Variants in C14orf180 observed in about 807,000 individuals in gnomAD.
C14orf180 encodes chromosome 14 open reading frame 180.
A neutral mutation model predicts 13.9 loss-of-function variants in C14orf180; 13 were observed. The ratio of observed to expected loss-of-function variants is 0.94; its 90% CI spans 0.61 to 1.49. C14orf180 has a LOEUF of 1.49. Ranked by LOEUF, C14orf180 falls within the 40% of genes most tolerant of loss-of-function variation. The probability of loss-of-function intolerance (pLI) is 0.00; values close to 1 mark genes in which losing one functional copy is unlikely to be tolerated. For missense variants in C14orf180, 238 were observed against 232.0 expected (o/e 1.03, Z -0.17); for synonymous variants, 113 against 106.3 (o/e 1.06, Z -0.39).
chr14:104,589,050 A>G lies in C14orf180; in HGVS notation c.*267A>G. The G allele has an allele frequency of 1.5e-6, 1 of 664,460 alleles. No individual in the cohort carries two copies. The highest frequency in any genetic ancestry group is 3.1e-5 in the East Asian group (1 of 32,044). The allele number at this position is 664,460 out of a possible 1,614,324, so 41.2% of individuals were successfully genotyped here. The stretch of plus-strand genomic sequence containing the variant: ...GAGATTTTATTAGAAAGAGGATTCG[A>G]CTGCTAACAGTTGAGGCTCCCCAGG... On this transcript the variant is annotated 3_prime_UTR_variant, in exon 5 of 5. Coordinates refer to ENST00000557649, the MANE Select transcript of C14orf180 (RefSeq NM_001008404.3). The surrounding 1 kb of genome is among the most constrained non-coding windows in gnomAD (Gnocchi z 4.9).
chr14:104,588,235 G>T (rs751164090), intron 3 of C14orf180, 39 bp from the exon 4 acceptor site: 3 of 1,613,402 alleles, frequency 1.9e-6, no homozygotes, highest in Non-Finnish European at 2.5e-6. Context: ...GATGGACTGA[G>T]GCAGGTGCCC....
chr14:104,586,134 C>T (rs912144035), intron 1 of C14orf180, among the ~76,000 whole-genome samples: 1 of 152,198 alleles, frequency 6.6e-6, no homozygotes, highest in Non-Finnish European at 1.5e-5. Flanking sequence ...GACGGGACCT[C>T]GGCCCAGTGG....
rs770865389 is a variant in C14orf180 at position 104,587,810 on chromosome 14, C to T, written c.173C>T (p.Pro58Leu). The T allele has an allele frequency of 2.7e-5, 44 of 1,612,456 alleles. No homozygotes were observed. Among genetic ancestry groups the T allele is most frequent in the Non-Finnish European group, 3.6e-5 (43 of 1,179,620 alleles). ...CGGAGCCGGCCGGAGCACCACCGCC[C>T]AGAGGCCAAGCCCCAGAGGACCTCG... is the stretch of plus-strand genomic sequence containing the variant. ...LKRSRPEHHR[P>L]EAKPQRTSRR... is the part of the protein sequence containing the mutation. The change falls in exon 3 of 5, where the codon CCA (proline) becomes CTA (leucine). Residue 58 changes from proline (P) to leucine (L), a missense_variant. Coordinates refer to ENST00000557649, the MANE Select transcript of C14orf180 (RefSeq NM_001008404.3).
intron 4 of C14orf180, 28 bp downstream of exon 4, chr14:104,588,337 C>T (rs771022547): frequency 3.4e-5 from 54 of 1,609,558 alleles, no homozygotes; most frequent in Admixed American, 2.3e-4. Context: ...ATCCCTGTGC[C>T]CCACTGCCCC....
chr14:104,582,582 C>A (rs1052588554), intron 1 of C14orf180, among the ~76,000 whole-genome samples: 2 of 152,206 alleles, frequency 1.3e-5, no homozygotes. Context: ...CGCCTCTGTC[C>A]CAACCCAGGC....
At chr14:104,586,349 CTTA>C in intron 1 of C14orf180, 63 bp from the exon 2 acceptor site, 1 of 1,117,596 alleles carries the variant, frequency 8.9e-7, no homozygotes, top group Non-Finnish European at 1.2e-6. Flanking sequence ...TTCTCCTCCT[CTTA>C]TTTTCATTCC....
chr14:104,586,292 G>C, intron 1 of C14orf180, 123 bp from the exon 2 acceptor site: 2 of 575,914 alleles, frequency 3.5e-6, no homozygotes, highest in Non-Finnish European at 6.0e-6. Context: ...TCAACAGCGT[G>C]GCCGGTCGCA....
intron 3 of C14orf180, 50 bp downstream of exon 3, chr14:104,587,928 A>C: frequency 6.4e-7 from 1 of 1,561,484 alleles, no homozygotes. Context: ...AGTCAAGCAG[A>C]GGGAGGCGGG....
At chr14:104,583,446 G>A (rs1475303354) in intron 1 of C14orf180, among the ~76,000 whole-genome samples, 1 of 152,212 alleles carries the variant, frequency 6.6e-6, no homozygotes, top group Non-Finnish European at 1.5e-5. Flanking sequence ...ACTCGGGTCT[G>A]TGCACTGACT....
intron 1 of C14orf180, among the ~76,000 whole-genome samples, chr14:104,580,439 T>A (rs1393260433): frequency 2.0e-5 from 3 of 152,152 alleles, no homozygotes; most frequent in Non-Finnish European, 4.4e-5. Context: ...AAAGGGCACC[T>A]GATGTTGCGC....
At chr14:104,588,549 C>T (rs1311412384) in intron 4 of C14orf180, 29 bp from the exon 5 acceptor site, 10 of 1,442,388 alleles carry the variant, frequency 6.9e-6, no homozygotes, top group African/African-American at 4.3e-5. Context: ...CGCTGGCTGG[C>T]GCTGACCCTG....
rs1232740755 is a variant in C14orf180 at position 104,587,890 on chromosome 14, C to G, written c.241+12C>G. The G allele has an allele frequency of 2.5e-6, 4 of 1,597,048 alleles. No individual in the cohort carries two copies. Among genetic ancestry groups the G allele is most frequent in the South Asian group, 1.1e-5 (1 of 89,126 alleles). Reference sequence around the variant, plus strand: ...GGTGACCGTCCACTGTAAGAGGGCACCCGCAGCAAGCAGCTGGGAGAGGGT... The same window carrying G: ...GGTGACCGTCCACTGTAAGAGGGCAGCCGCAGCAAGCAGCTGGGAGAGGGT... On this transcript the variant is annotated intron_variant, in intron 3 of 4. Transcript: ENST00000557649.
chr14:104,580,708 T>C (rs1034414922), intron 1 of C14orf180, among the ~76,000 whole-genome samples: 4 of 150,848 alleles, frequency 2.7e-5, no homozygotes, highest in Admixed American at 6.6e-5. Flanking sequence ...CTGCCCTGTG[T>C]GGCCATGGGA....
At chr14:104,584,702 C>T (rs927491397) in intron 1 of C14orf180, among the ~76,000 whole-genome samples, 2 of 152,162 alleles carry the variant, frequency 1.3e-5, no homozygotes, top group African/African-American at 2.4e-5. Context: ...GAAGATAAGC[C>T]GCCCCTCCCC....
At chr14:104,582,095 C>G (rs895356686) in intron 1 of C14orf180, among the ~76,000 whole-genome samples, 10 of 152,142 alleles carry the variant, frequency 6.6e-5, no homozygotes, top group Admixed American at 5.9e-4. Flanking sequence ...CTGCCCGCCC[C>G]GAGGAACCCT....
At chr14:104,581,260 C>G (rs1410969271) in intron 1 of C14orf180, 1 of 152,256 alleles carries the variant, frequency 6.6e-6, no homozygotes, top group African/African-American at 2.4e-5. Context: ...TGTCCATGGT[C>G]CCAGTCTTCT....
chr14:104,583,474 C>T (rs1343846391), intron 1 of C14orf180, among the ~76,000 whole-genome samples: 1 of 152,210 alleles, frequency 6.6e-6, no homozygotes, highest in Non-Finnish European at 1.5e-5. Flanking sequence ...TCACGCGAGC[C>T]CGCAGAGGCT....
At chr14:104,581,309 G>A (rs994479971) in intron 1 of C14orf180, 1 of 152,276 alleles carries the variant, frequency 6.6e-6, no homozygotes. Flanking sequence ...TGCAGCCCCA[G>A]GGCCATTGGG....
intron 1 of C14orf180, among the ~76,000 whole-genome samples, chr14:104,585,840 G>C (rs966093992): frequency 6.6e-6 from 1 of 152,054 alleles, no homozygotes; most frequent in African/African-American, 2.4e-5. Context: ...GAGAGACACA[G>C]AGAGAGAGTG....
Sources: gnomAD v4.1 joint callset for allele counts (sites outside exome capture counted in the v4.1 genomes callset) on GRCh38, gnomAD v4.1.1 for gene constraint, Gnocchi (gnomAD v3.1) non-coding constraint, MANE v1.5 for transcripts, NCBI Gene and HGNC (gene_info 2026-07-23, HGNC 2026-07-21) for gene names.